BTBD8: variants seen among roughly 807,000 people sequenced by gnomAD.
BTBD8 encodes the protein BTB/POZ domain-containing protein 8.
BTBD8 carries 110 observed loss-of-function variants against 162.9 expected under a neutral mutation model. The observed-to-expected ratio is 0.68, with a 90% CI of 0.58 to 0.79. The LOEUF (loss-of-function observed/expected upper bound fraction) is 0.79, where lower values mean the gene tolerates loss of function less well. BTBD8 is among the 30% of genes least tolerant of loss of function. The pLI, the probability that BTBD8 is intolerant of heterozygous loss-of-function variation, is 0.00. For missense variants in BTBD8, 1,905 were observed against 2,085.4 expected, an observed-to-expected ratio of 0.91 and a Z score of 1.68; for synonymous variants, 667 against 716.1, an observed-to-expected ratio of 0.93 and a Z score of 1.10.
At chr1:92,134,532 C>T (rs985226281) in intron 5 of BTBD8, among the ~76,000 whole-genome samples, 10 of 152,124 alleles carry the variant, frequency 6.6e-5, no homozygotes, top group Admixed American at 4.6e-4. Context: ...TCTTCTCATG[C>T]ATGAAATCTC....
Position 92,102,648 on chromosome 1 carries a change from G to A in BTBD8, c.523G>A (p.Asp175Asn). The A allele has an allele frequency of 1.3e-6, 2 of 1,488,922 alleles. No individual in the cohort carries two copies. The highest frequency in any genetic ancestry group is 1.8e-6 in the Non-Finnish European group (2 of 1,116,616). 92.2% of individuals were successfully genotyped at this position (1,488,922 alleles called of 1,614,324 possible). Residue 175 changes from aspartate (D) to asparagine (N), a missense_variant, in exon 3 of 18, where the codon GAT (aspartate) becomes AAT (asparagine). Physicochemically the swap from Asp to Asn is conservative, Grantham distance 23 (BLOSUM62 1). This residue lies in a region of BTBD8 where 1,374 missense variants were observed against 1,442.7 expected (regional missense o/e 0.95). Transcript: ENST00000636805. ...HEIPEDISDR[D>N]DDFISNDNYD... Reference sequence around the variant, plus strand: ...AATTCCAGAGGATATCAGTGACAGAGATGATGATTTCATTTCCAATGGTGA... The same window carrying A: ...AATTCCAGAGGATATCAGTGACAGAAATGATGATTTCATTTCCAATGGTGA...
At chr1:92,135,241 A>G (rs1338088363) in intron 5 of BTBD8, among the ~76,000 whole-genome samples, 4 of 151,866 alleles carry the variant, frequency 2.6e-5, no homozygotes, top group Non-Finnish European at 5.9e-5. Context: ...GCTGGAGTGC[A>G]GTTGCGCGAA....
intron 2 of BTBD8, among the ~76,000 whole-genome samples, chr1:92,101,482 C>G (rs535014312): frequency 3.5e-4 from 54 of 152,286 alleles, no homozygotes; most frequent in African/African-American, 1.3e-3. Flanking sequence ...CCCGCAGGCA[C>G]ACTACTCACT....
intron 9 of BTBD8, among the ~76,000 whole-genome samples, chr1:92,158,784 A>T (rs1650217325): frequency 6.6e-6 from 1 of 152,050 alleles, no homozygotes; most frequent in Non-Finnish European, 1.5e-5. Flanking sequence ...AAAAATGAAA[A>T]AAAAAATTTA....
chr1:92,114,663 C>T (rs1648986792), intron 4 of BTBD8: 1 of 157,268 alleles, frequency 6.4e-6, no homozygotes, highest in Non-Finnish European at 1.4e-5. Flanking sequence ...CCTCCTTCTT[C>T]AGGGGGTCTG....
chr1:92,139,942 A>AAT (rs1649730941), intron 6 of BTBD8: 1 of 125,934 alleles, frequency 7.9e-6, no homozygotes, highest in Admixed American at 7.7e-5. Context: ...CAAAAAAAAA[A>AAT]AAAAAAAAAA....
chr1:92,142,612 G>C (rs182245345), intron 7 of BTBD8, among the ~76,000 whole-genome samples: 49 of 152,308 alleles, frequency 3.2e-4, no homozygotes, highest in Non-Finnish European at 6.0e-4. Flanking sequence ...AGTCCACTCT[G>C]CACCCCGGTT....
intron 7 of BTBD8, among the ~76,000 whole-genome samples, chr1:92,143,699 A>G (rs902930934): frequency 3.7e-4 from 56 of 151,518 alleles, no homozygotes; most frequent in African/African-American, 1.4e-3. Flanking sequence ...TTTAGTAGAG[A>G]CGGGGTTTCA....
At position 92,180,701 on chromosome 1, in the gene BTBD8, A is replaced by G; in HGVS notation, c.3018A>G (p.Ser1006=). ...SEISDAEALQ[S]SCRPDPQKPL... is the part of the protein sequence containing the mutation. ...TAAGTGATGCAGAAGCACTCCAGTC[A>G]TCCTGCAGGCCTGACCCACAAAAGC... Residue 1006 remains serine, a synonymous_variant, in exon 17 of 18, where the codon TCA becomes TCG. Transcript: ENST00000636805. 6.4e-7 allele frequency: 1 copy of G among 1,551,602 alleles called. No individual in the cohort carries two copies. Among genetic ancestry groups the G allele is most frequent in the Non-Finnish European group, 8.7e-7 (1 of 1,146,922 alleles).
At chr1:92,146,664 A>G (rs1010645399) in intron 7 of BTBD8, among the ~76,000 whole-genome samples, 1 of 152,014 alleles carries the variant, frequency 6.6e-6, no homozygotes, top group African/African-American at 2.4e-5. Context: ...CTGTCTCTGT[A>G]GTTTTGTTTT....
chr1:92,157,384 C>T (rs1650183747), intron 9 of BTBD8, among the ~76,000 whole-genome samples: 1 of 152,088 alleles, frequency 6.6e-6, no homozygotes, highest in Non-Finnish European at 1.5e-5. Flanking sequence ...GTATATTCTG[C>T]CCCTGTTGGT....
At position 92,168,849 on chromosome 1, in the gene BTBD8, T is replaced by A; in HGVS notation, c.1444-17T>A. Reference sequence around the variant, plus strand: ...AATGTGGCTCTCACCAGCTGCTGATTTGTTGCTTGAACACAGGGTTTTACG... The same window carrying A: ...AATGTGGCTCTCACCAGCTGCTGATATGTTGCTTGAACACAGGGTTTTACG... On this transcript the variant is annotated splice_polypyrimidine_tract_variant and intron_variant, in intron 11 of 17. Transcript: ENST00000636805. The A allele has an allele frequency of 6.7e-7, 1 of 1,497,130 alleles. No individual in the cohort carries two copies. Among genetic ancestry groups the A allele is most frequent in the Admixed American group, 2.0e-5 (1 of 50,386 alleles). The allele number at this position is 1,497,130 out of a possible 1,614,324, so 92.7% of individuals were successfully genotyped here. A position where few individuals can be genotyped will look rare whatever the true frequency, so the allele number is the denominator to read the frequency against.
chr1:92,136,706 C>T (rs1209687715), intron 5 of BTBD8, among the ~76,000 whole-genome samples: 1 of 152,200 alleles, frequency 6.6e-6, no homozygotes, highest in African/African-American at 2.4e-5. Flanking sequence ...GTGTAGTATA[C>T]TGCTTCAGAG....
In BTBD8 at chr1:92,180,859, A is replaced by C; in HGVS notation, c.3176A>C (p.His1059Pro). 1 of 1,551,506 alleles carries C rather than the reference A, an allele frequency of 6.4e-7. No homozygotes were observed. The highest frequency in any genetic ancestry group is 8.7e-7 in the Non-Finnish European group (1 of 1,146,950). Reference protein sequence around the residue: ...LDKSETKFPNHKETDDCDAAN... With the variant: ...LDKSETKFPNPKETDDCDAAN... ...AAAAGTGAAACAAAATTTCCCAATC[A>C]CAAAGAAACAGATGATTGCGATGCA... Residue 1059 changes from histidine (H) to proline (P), a missense_variant, in exon 17 of 18, where the codon CAC (histidine) becomes CCC (proline). By Grantham distance (77) the His-to-Pro change is moderately conservative. Around this residue, in one of 3 missense-constraint regions of BTBD8, gnomAD observed 1,374 missense variants for 1,442.7 expected, o/e 0.95. Coordinates refer to ENST00000636805, the MANE Select transcript of BTBD8 (RefSeq NM_001376131.1).
rs767959237 is a variant in BTBD8, at chr1:92,088,769, C to T, written c.221C>T (p.Ala74Val). 107 of 1,612,892 alleles carry T rather than the reference C, an allele frequency of 6.6e-5. No homozygotes were observed. The highest frequency in any genetic ancestry group is 4.9e-4 in the Middle Eastern group (3 of 6,076). Reference protein sequence around the residue: ...VGCTLFKAHKAVLLARVPDFY... With the variant: ...VGCTLFKAHKVVLLARVPDFY... ...TGTACTTTGTTCAAAGCACACAAAG[C>T]AGTCCTTTTAGCAAGAGTTCCTGAC... The change falls in exon 2 of 18, where the codon GCA becomes GTA. Residue 74 changes from alanine to valine, a missense_variant. Ala to Val is a moderately conservative substitution (Grantham distance 64, BLOSUM62 0). This residue lies in a region of BTBD8 where 1,374 missense variants were observed against 1,442.7 expected (regional missense o/e 0.95). Transcript: ENST00000636805.
intron 13 of BTBD8, among the ~76,000 whole-genome samples, chr1:92,173,607 CT>C (rs1424980372): frequency 6.6e-6 from 1 of 152,044 alleles, no homozygotes; most frequent in Non-Finnish European, 1.5e-5. Flanking sequence ...AGTCTTTTTT[CT>C]GTTAAGAACA....
chr1:92,080,453 C>CT lies in BTBD8; in HGVS notation c.-119_-118insT, dbSNP rs1223749420. The CT allele has an allele frequency of 2.8e-6, 4 of 1,450,126 alleles. No individual in the cohort carries two copies. The East Asian group carries it at 9.7e-5, about 35-fold the overall frequency. The allele number at this position is 1,450,126 out of a possible 1,614,324, so 89.8% of individuals were successfully genotyped here. A position where few individuals can be genotyped will look rare whatever the true frequency, so the allele number is the denominator to read the frequency against. ...CCGACGAGAGGCGTCAACCTTTTAC[C>CT]CTAGGGGGCGGATTTGGGTAGGAGC... is the stretch of plus-strand genomic sequence containing the variant. On this transcript the variant is annotated 5_prime_UTR_variant, in exon 1 of 18. Coordinates refer to ENST00000636805, the MANE Select transcript of BTBD8 (RefSeq NM_001376131.1).
intron 7 of BTBD8, among the ~76,000 whole-genome samples, chr1:92,144,344 A>T (rs1649857451): frequency 6.6e-6 from 1 of 152,134 alleles, no homozygotes; most frequent in African/African-American, 2.4e-5. Context: ...TTATACAGTA[A>T]TACAAATATG....
intron 2 of BTBD8, among the ~76,000 whole-genome samples, chr1:92,100,495 C>A (rs1257976043): frequency 4.6e-5 from 7 of 152,058 alleles, no homozygotes; most frequent in Non-Finnish European, 1.5e-5. Flanking sequence ...AATCCCTTTA[C>A]TTGTTATAGG....
Sources: allele counts gnomAD v4.1 joint callset (sites outside exome capture counted in the v4.1 genomes callset), GRCh38; gene constraint gnomAD v4.1.1; regional missense constraint gnomAD v4.1.1; transcripts MANE v1.5; gene names NCBI Gene and HGNC (gene_info 2026-07-23, HGNC 2026-07-21).